WDFY4: variants seen among roughly 807,000 people sequenced by gnomAD.
WDFY4 encodes WDFY family member 4.
A neutral mutation model predicts 351.9 loss-of-function variants in WDFY4; 169 were observed. The observed-to-expected ratio is 0.48, with a 90% CI of 0.42 to 0.55. WDFY4 has a LOEUF of 0.55. Among genes scored for constraint, WDFY4 ranks in the 20% least tolerant of loss-of-function variants. The pLI is 0.00. For synonymous variants in WDFY4, 1,622 were observed against 1,574.6 expected (o/e 1.03, Z -0.71); for missense variants, 3,803 against 3,935.6 (o/e 0.97, Z 0.90).
At chr10:48,814,736 A>G (rs1418804055) in intron 31 of WDFY4, among the ~76,000 whole-genome samples, 1 of 152,234 alleles carries the variant, frequency 6.6e-6, no homozygotes, top group East Asian at 1.9e-4. Context: ...AAAATGATAC[A>G]TGATTACCTT....
chr10:48,807,993 G>T, intron 28 of WDFY4, 35 bp downstream of exon 28: 1 of 1,493,544 alleles, frequency 6.7e-7, no homozygotes, highest in Non-Finnish European at 8.9e-7. Context: ...TTGGCAGGAG[G>T]TTACCTCATA....
intron 52 of WDFY4, among the ~76,000 whole-genome samples, chr10:48,958,303 C>T (rs574254976): frequency 5.6e-4 from 86 of 152,276 alleles, no homozygotes; most frequent in African/African-American, 2.0e-3. Context: ...ACCTCACATG[C>T]GTCAGGGGTG....
At chr10:48,928,837 C>G (rs1439758988) in intron 47 of WDFY4, among the ~76,000 whole-genome samples, 2 of 152,324 alleles carry the variant, frequency 1.3e-5, no homozygotes, top group South Asian at 2.1e-4. Flanking sequence ...TCTAAGGACA[C>G]AGCTGAACTT....
intron 40 of WDFY4, among the ~76,000 whole-genome samples, chr10:48,867,935 C>T (rs2069611763): frequency 6.6e-6 from 1 of 152,188 alleles, no homozygotes; most frequent in African/African-American, 2.4e-5. Context: ...GATTATGATA[C>T]TCCTGTGTCT....
In WDFY4 at chr10:48,897,224, G is replaced by A. The variant is rs555179224; in HGVS notation, c.7317-230G>A. On this transcript the variant is annotated intron_variant, in intron 44 of 61. Coordinates refer to ENST00000325239, the MANE Select transcript of WDFY4 (RefSeq NM_001394531.1). ...CCCCACCCTGTTCCTCCAGGGCAGGGCAGCTTTCACGTGTCAGCGGCCAGT... is the reference window on the plus strand; with the variant it reads ...CCCCACCCTGTTCCTCCAGGGCAGGACAGCTTTCACGTGTCAGCGGCCAGT... 3.3e-5 allele frequency among the ~76,000 whole-genome samples: 5 copies of A among 152,318 alleles called. No individual in the cohort carries two copies. The South Asian group carries it at 8.3e-4, about 25-fold the overall frequency.
Position 48,709,905 on chromosome 10 carries a change from C to T in WDFY4, c.173C>T (p.Thr58Ile). 1 of 1,552,190 alleles carries T rather than the reference C, an allele frequency of 6.4e-7. No homozygotes were observed. Among genetic ancestry groups the T allele is most frequent in the Non-Finnish European group, 8.7e-7 (1 of 1,147,108 alleles). The stretch of plus-strand genomic sequence containing the variant: ...AAGTTTCTGGAATACCAGCAGTTGA[C>T]TCACAAGAGCCCCATTGAGCGTCAG... Reference protein sequence around the residue: ...ERKFLEYQQLTHKSPIERQKS... With the variant: ...ERKFLEYQQLIHKSPIERQKS... The change falls in exon 2 of 62, where the codon ACT becomes ATT. Residue 58 changes from threonine (T) to isoleucine (I), a missense_variant. Coordinates refer to ENST00000325239, the MANE Select transcript of WDFY4 (RefSeq NM_001394531.1).
At chr10:48,691,162 C>A (rs187745783) in intron 1 of WDFY4, among the ~76,000 whole-genome samples, 320 of 152,260 alleles carry the variant, frequency 2.1e-3, no homozygotes, top group African/African-American at 6.8e-3. Context: ...AACAGGAGCT[C>A]CCCCTGTTGC....
intron 11 of WDFY4, 145 bp downstream of exon 11, chr10:48,736,215 G>C: frequency 4.5e-6 from 4 of 893,416 alleles, no homozygotes; most frequent in Non-Finnish European, 7.1e-6. Flanking sequence ...GTCAGGTGCT[G>C]TAACAAATAA....
At chr10:48,960,957 G>T (rs767663925) in intron 53 of WDFY4, among the ~76,000 whole-genome samples, 10 of 152,222 alleles carry the variant, frequency 6.6e-5, no homozygotes, top group Non-Finnish European at 1.2e-4. Flanking sequence ...CACACGGGGG[G>T]ACTTTTTGAG....
intron 1 of WDFY4, among the ~76,000 whole-genome samples, chr10:48,690,316 A>T (rs896269412): frequency 6.6e-6 from 1 of 152,202 alleles, no homozygotes; most frequent in African/African-American, 2.4e-5. Context: ...TTATGATATG[A>T]TGGATGATTA....
intron 40 of WDFY4, among the ~76,000 whole-genome samples, chr10:48,871,705 G>A (rs1202933822): frequency 1.3e-5 from 2 of 152,042 alleles, no homozygotes; most frequent in African/African-American, 4.8e-5. Context: ...TTTAACTTCT[G>A]GCCTCAAGAA....
chr10:48,707,378 G>A (rs568637581), intron 1 of WDFY4, among the ~76,000 whole-genome samples: 4 of 152,274 alleles, frequency 2.6e-5, no homozygotes, highest in African/African-American at 9.6e-5. Flanking sequence ...TAGTTGAACT[G>A]AGCAGTCATA....
intron 40 of WDFY4, among the ~76,000 whole-genome samples, chr10:48,868,383 G>A (rs1024443773): frequency 6.6e-6 from 1 of 152,154 alleles, no homozygotes; most frequent in Non-Finnish European, 1.5e-5. Context: ...GGATCAGCAG[G>A]CATGTCTAGT....
intron 44 of WDFY4, among the ~76,000 whole-genome samples, chr10:48,894,432 G>A (rs553817750): frequency 2.6e-4 from 39 of 152,324 alleles, no homozygotes; most frequent in Non-Finnish European, 4.7e-4. Flanking sequence ...TTGAAACCAA[G>A]TTTCACCTCT....
chr10:48,954,636 C>A (rs1841498751), intron 51 of WDFY4, among the ~76,000 whole-genome samples: 1 of 152,186 alleles, frequency 6.6e-6, no homozygotes, highest in Non-Finnish European at 1.5e-5. Flanking sequence ...TTAGCTGGGA[C>A]TGCTCGCTGG....
In WDFY4 at chr10:48,822,536, T is replaced by C. The variant is rs1005314156; in HGVS notation, c.5981T>C (p.Val1994Ala). The C allele has an allele frequency of 4.6e-6, 7 of 1,534,078 alleles. No individual in the cohort carries two copies. The African/African-American group carries it at 9.6e-5, about 21-fold the overall frequency. Residue 1994 changes from valine to alanine, a missense_variant and splice_region_variant, in exon 35 of 62, where the codon GTG becomes GCG. Transcript: ENST00000325239. ...CTCTTCATCCTGGAGCACATCATGG[T>C]GGTAAGAGCTGCTCACTGACCGGGT... ...ILLFILEHIMVVIETASSQRD... is the reference protein window; with the variant it reads ...ILLFILEHIMAVIETASSQRD...
chr10:48,914,359 A>C, intron 47 of WDFY4: 1 of 585,334 alleles, frequency 1.7e-6, no homozygotes, highest in East Asian at 2.9e-5. Flanking sequence ...AAGTCAGGGC[A>C]AAGTGGACCC....
chr10:48,890,176 G>A (rs971299085), intron 43 of WDFY4, among the ~76,000 whole-genome samples: 33 of 152,314 alleles, frequency 2.2e-4, no homozygotes, highest in African/African-American at 7.9e-4. Context: ...GTACTGGCTG[G>A]TCCCTGGACA....
At position 48,788,568 on chromosome 10, in the gene WDFY4, GAAGA is replaced by G; in HGVS notation, c.3852_3855del (p.Arg1285PhefsTer7). The stretch of plus-strand genomic sequence containing the variant: ...CAGTGAAGCCACGCCCTTTGTTGCA[GAAGA>G]AAGAGTTTCTTTTGGACTTCACATA... On this transcript the variant is annotated frameshift_variant, in exon 21 of 62. Coordinates refer to ENST00000325239, the MANE Select transcript of WDFY4 (RefSeq NM_001394531.1). LOFTEE classifies it high-confidence loss of function. 1 of 1,552,028 alleles carries G rather than the reference GAAGA, an allele frequency of 6.4e-7. No individual in the cohort carries two copies.
Sources: gnomAD v4.1 joint callset for allele counts (sites outside exome capture counted in the v4.1 genomes callset) on GRCh38, gnomAD v4.1.1 for gene constraint, MANE v1.5 for transcripts, NCBI Gene and HGNC (gene_info 2026-07-23, HGNC 2026-07-21) for gene names.